The following ACOT1 variants were observed in gnomAD, a reference collection of about 807,000 sequenced individuals.
ACOT1 encodes acyl-CoA thioesterase 1.
A neutral mutation model predicts 15.7 loss-of-function variants in ACOT1; 8 were observed. The ratio of observed to expected loss-of-function variants is 0.51; its 90% CI spans 0.30 to 0.92. The LOEUF (loss-of-function observed/expected upper bound fraction) is 0.92. Among genes scored for constraint, ACOT1 ranks in the 40% least tolerant of loss-of-function variants. ACOT1 has a pLI of 0.06. For synonymous variants in ACOT1, 67 were observed against 241.2 expected, an observed-to-expected ratio of 0.28 and a Z score of 6.69; for missense variants, 151 against 539.4, an observed-to-expected ratio of 0.28 and a Z score of 7.13.
At chr14:73,491,403 C>T in the ACOT1 span, 1 of 1,346,696 alleles carries the variant, frequency 7.4e-7, no homozygotes, top group Non-Finnish European at 9.5e-7. Flanking sequence ...TCCGCGCCGC[C>T]CGCGCGCCTG....
the ACOT1 span, among the ~76,000 whole-genome samples, chr14:73,516,686 G>A: frequency 2.6e-5 from 4 of 152,104 alleles, no homozygotes; most frequent in African/African-American, 9.7e-5. Context: ...GTTAGGAACC[G>A]GGCCACCACA....
At chr14:73,509,850 A>T in the ACOT1 span, among the ~76,000 whole-genome samples, 44 of 62,500 alleles carry the variant, frequency 7.0e-4, no homozygotes, top group African/African-American at 2.8e-3. Flanking sequence ...ATATATATAT[A>T]TATATATATA....
chr14:73,491,451 C>T, the ACOT1 span: 1 of 1,392,916 alleles, frequency 7.2e-7, no homozygotes, highest in Non-Finnish European at 9.2e-7. Flanking sequence ...GTGGTGGAGA[C>T]CTCGGCCCTG....
chr14:73,524,310 A>AAAAAATAT, the ACOT1 span, among the ~76,000 whole-genome samples: 70 of 54,780 alleles, frequency 1.3e-3, 1 homozygote, highest in African/African-American at 2.9e-3. Context: ...AAAAAAAAAA[A>AAAAAATAT]ATATATATAT....
the ACOT1 span, among the ~76,000 whole-genome samples, chr14:73,501,192 T>C: frequency 6.6e-6 from 1 of 150,942 alleles, no homozygotes; most frequent in Middle Eastern, 3.3e-3. Context: ...GATCTTGGCT[T>C]ACTGCAAGCG....
the ACOT1 span, among the ~76,000 whole-genome samples, chr14:73,516,849 TG>T: frequency 5.3e-5 from 8 of 152,208 alleles, no homozygotes; most frequent in African/African-American, 1.9e-4. Context: ...ATCTAATGCC[TG>T]ATGATCTGAG....
chr14:73,521,175 T>C, the ACOT1 span: 1 of 748,138 alleles, frequency 1.3e-6, no homozygotes, highest in South Asian at 1.8e-5. Context: ...AACACCAATG[T>C]TTAACTTTTA....
At chr14:73,518,596 G>A in the ACOT1 span, among the ~76,000 whole-genome samples, 1 of 152,132 alleles carries the variant, frequency 6.6e-6, no homozygotes, top group Non-Finnish European at 1.5e-5. Flanking sequence ...AGTGAAGAAT[G>A]ATGAACTTGT....
At chr14:73,508,196 T>C in the ACOT1 span, 2 of 1,614,130 alleles carry the variant, frequency 1.2e-6, no homozygotes, top group South Asian at 2.2e-5. Context: ...TCATTCTTCT[T>C]TGTAAACAGC....
chr14:73,518,500 T>C, the ACOT1 span, among the ~76,000 whole-genome samples: 8,225 of 152,268 alleles, frequency 0.054, 267 homozygotes, highest in Middle Eastern at 0.12. Context: ...CAAAGAGTCA[T>C]GGGAAATAGA....
the ACOT1 span, chr14:73,492,708 A>G: frequency 2.2e-5 from 35 of 1,613,792 alleles, no homozygotes; most frequent in Non-Finnish European, 2.9e-5. The surrounding 1 kb of genome is among the most constrained non-coding windows in gnomAD (Gnocchi z 4.9). Flanking sequence ...GAGGGGGGCC[A>G]TTTGTTTCTC....
upstream of ACOT1, chr14:73,537,096 G>A: frequency 4.4e-6 from 1 of 228,220 alleles, no homozygotes; most frequent in Non-Finnish European, 7.7e-6. Flanking sequence ...CCATTCTCCT[G>A]CCTCAGCCTC....
chr14:73,514,589 G>A, the ACOT1 span, among the ~76,000 whole-genome samples: 15,354 of 152,144 alleles, frequency 0.1, 1,148 homozygotes, highest in Non-Finnish European at 0.15. Context: ...TATTTGATAC[G>A]TTGCAATTTA....
the ACOT1 span, among the ~76,000 whole-genome samples, chr14:73,501,348 A>G: frequency 6.6e-6 from 1 of 151,884 alleles, no homozygotes; most frequent in Non-Finnish European, 1.5e-5. Context: ...GATGGTCTTG[A>G]TCTCCTGACC....
the ACOT1 span, among the ~76,000 whole-genome samples, chr14:73,528,101 A>C: frequency 6.6e-6 from 1 of 151,924 alleles, no homozygotes. Context: ...AATTATTAGA[A>C]ATTCTTAAGG....
At chr14:73,510,054 G>A in the ACOT1 span, among the ~76,000 whole-genome samples, 1 of 150,192 alleles carries the variant, frequency 6.7e-6, no homozygotes, top group African/African-American at 2.5e-5. Flanking sequence ...GTAGAGATGG[G>A]ATTTCACCGT....
At chr14:73,524,310 A>AAAAAATATATATATATATAT in the ACOT1 span, among the ~76,000 whole-genome samples, 1 of 54,778 alleles carries the variant, frequency 1.8e-5, no homozygotes, top group Non-Finnish European at 3.1e-5. Context: ...AAAAAAAAAA[A>AAAAAATATATATATATATAT]ATATATATAT....
the ACOT1 span, chr14:73,493,057 C>A: frequency 6.2e-7 from 1 of 1,606,922 alleles, no homozygotes; most frequent in South Asian, 1.1e-5. Context: ...TCAGTGTGCT[C>A]ACATTTACCT....
the ACOT1 span, among the ~76,000 whole-genome samples, chr14:73,505,059 T>C: frequency 0.019 from 2,852 of 151,964 alleles, 58 homozygotes; most frequent in African/African-American, 0.041. Flanking sequence ...AGCCTCCAAG[T>C]AGCTGGGATG....
Sources: gnomAD v4.1 joint callset for allele counts (sites outside exome capture counted in the v4.1 genomes callset) on GRCh38, gnomAD v4.1.1 for gene constraint, Gnocchi (gnomAD v3.1) non-coding constraint, MANE v1.5 for transcripts, NCBI Gene and HGNC (gene_info 2026-07-23, HGNC 2026-07-21) for gene names.